LRMDA: variants seen among roughly 807,000 people sequenced by gnomAD.
LRMDA encodes leucine rich melanocyte differentiation associated, also known as leucine-rich melanocyte differentiation-associated protein.
A neutral mutation model predicts 29.8 loss-of-function variants in LRMDA; 18 were observed. The observed-to-expected ratio is 0.60, with a 90% CI of 0.42 to 0.90. LRMDA has a LOEUF of 0.90. LRMDA is among the 40% of genes least tolerant of loss of function. LRMDA has a pLI of 0.00. For missense variants in LRMDA, 273 were observed against 273.9 expected (o/e 1.00, Z 0.02); for synonymous variants, 125 against 109.4 (o/e 1.14, Z -0.89).
chr10:75,898,179 C>T (rs1214413396), intron 2 of LRMDA, among the ~76,000 whole-genome samples: 2 of 152,188 alleles, frequency 1.3e-5, no homozygotes, highest in South Asian at 2.1e-4. Context: ...CATGATAAAC[C>T]AGTAAAGACT....
At chr10:76,393,323 G>T (rs1841745695) in intron 6 of LRMDA, among the ~76,000 whole-genome samples, 1 of 151,948 alleles carries the variant, frequency 6.6e-6, no homozygotes, top group African/African-American at 2.4e-5. Flanking sequence ...ACATCCTTAT[G>T]AATACTTACC....
At chr10:76,267,542 T>C (rs1044565804) in intron 5 of LRMDA, among the ~76,000 whole-genome samples, 3 of 152,216 alleles carry the variant, frequency 2.0e-5, no homozygotes, top group African/African-American at 4.8e-5. Context: ...AATTTGCCTG[T>C]CTGCTTCATG....
At chr10:75,740,541 C>T (rs1842816542) in intron 2 of LRMDA, among the ~76,000 whole-genome samples, 1 of 152,166 alleles carries the variant, frequency 6.6e-6, no homozygotes, top group South Asian at 2.1e-4. Context: ...CATCTCCAGG[C>T]AACAGCAGCC....
intron 6 of LRMDA, among the ~76,000 whole-genome samples, chr10:76,515,550 G>T (rs530413644): frequency 2.1e-4 from 32 of 151,854 alleles, no homozygotes; most frequent in Middle Eastern, 3.4e-3. Flanking sequence ...CTGTCACCCG[G>T]GCTGGAGTAC....
intron 5 of LRMDA, among the ~76,000 whole-genome samples, chr10:76,179,180 T>C (rs922763085): frequency 2.0e-5 from 3 of 152,086 alleles, no homozygotes; most frequent in Non-Finnish European, 4.4e-5. Context: ...TGATGACTGA[T>C]TAAAAAAAAG....
intron 2 of LRMDA, among the ~76,000 whole-genome samples, chr10:75,541,432 T>TTC: frequency 6.7e-6 from 1 of 148,648 alleles, no homozygotes. Flanking sequence ...AAGCAGAGAC[T>TTC]ATTTTTCCCA....
At chr10:75,465,144 G>C (rs889981978) in intron 2 of LRMDA, among the ~76,000 whole-genome samples, 32 of 152,284 alleles carry the variant, frequency 2.1e-4, no homozygotes, top group African/African-American at 6.5e-4. Flanking sequence ...AAGAGGATGA[G>C]GCAAGCCAGA....
At chr10:76,295,322 C>T (rs1414314040) in intron 5 of LRMDA, among the ~76,000 whole-genome samples, 9 of 152,200 alleles carry the variant, frequency 5.9e-5, no homozygotes, top group South Asian at 2.1e-4. Flanking sequence ...GAGATGTCTA[C>T]GTCTGTGTGG....
chr10:75,896,146 A>G (rs1332946089), intron 2 of LRMDA, among the ~76,000 whole-genome samples: 2 of 152,220 alleles, frequency 1.3e-5, no homozygotes, highest in Admixed American at 6.5e-5. Flanking sequence ...ACAGTCATTC[A>G]TGGGTGTTAA....
rs1016731326 is a variant in LRMDA at position 76,421,341 on chromosome 10, C to T, written c.601+96856C>T. ...TGGTATTTGTAAACATACACTTTCT[C>T]TTATGGCTAGTATTTGCTTTGTGTA... is the stretch of plus-strand genomic sequence containing the variant. On this transcript the variant is annotated intron_variant, in intron 6 of 6. Transcript: ENST00000611255. Among the ~76,000 whole-genome samples the T allele has an allele frequency of 8.5e-5, 13 of 152,126 alleles. 1 individual carries two copies. Among genetic ancestry groups the T allele is most frequent in the Admixed American group, 2.0e-4 (3 of 15,272 alleles).
chr10:76,422,064 T>A (rs1290963057), intron 6 of LRMDA, among the ~76,000 whole-genome samples: 2 of 152,088 alleles, frequency 1.3e-5, no homozygotes, highest in Admixed American at 6.6e-5. Context: ...CCACCTGTGA[T>A]GTAGTTTTTC....
chr10:76,137,156 C>G (rs891948949), intron 5 of LRMDA, among the ~76,000 whole-genome samples: 1 of 152,190 alleles, frequency 6.6e-6, no homozygotes, highest in African/African-American at 2.4e-5. Flanking sequence ...AATTCCCAAG[C>G]CTTCTGCCAA....
At chr10:75,591,220 A>G (rs921675156) in intron 2 of LRMDA, among the ~76,000 whole-genome samples, 4 of 152,180 alleles carry the variant, frequency 2.6e-5, no homozygotes, top group African/African-American at 9.7e-5. Flanking sequence ...AAAAAACAAA[A>G]TGAAGACTGC....
intron 5 of LRMDA, among the ~76,000 whole-genome samples, chr10:76,220,697 G>A (rs1419278969): frequency 3.9e-5 from 6 of 152,092 alleles, no homozygotes; most frequent in Non-Finnish European, 8.8e-5. Flanking sequence ...GAGGTACAAG[G>A]AGGAACTGGT....
intron 2 of LRMDA, among the ~76,000 whole-genome samples, chr10:75,957,108 A>T (rs565902135): frequency 6.6e-6 from 1 of 152,340 alleles, no homozygotes; most frequent in South Asian, 2.1e-4. Context: ...TAAATGAGGG[A>T]AACAATCCAT....
intron 2 of LRMDA, among the ~76,000 whole-genome samples, chr10:75,878,176 G>T (rs553239324): frequency 5.3e-5 from 8 of 152,072 alleles, no homozygotes; most frequent in Non-Finnish European, 1.2e-4. Context: ...TAGACCCTCT[G>T]GCTTATCCCA....
At chr10:75,782,750 C>A (rs921831014) in intron 2 of LRMDA, 2 of 1,371,206 alleles carry the variant, frequency 1.5e-6, no homozygotes, top group South Asian at 3.3e-5. Context: ...AGCAGATGCC[C>A]TTTGCTGACT....
intron 2 of LRMDA, among the ~76,000 whole-genome samples, chr10:75,695,913 C>G (rs1842228339): frequency 6.6e-6 from 1 of 152,006 alleles, no homozygotes; most frequent in African/African-American, 2.4e-5. Context: ...GCAGGAGAAC[C>G]CTTGAGAAGT....
At position 75,922,015 on chromosome 10, in the gene LRMDA, C is replaced by T. The variant is rs149089476; in HGVS notation, c.132-113993C>T. ...GCCTCCTTTTACTTTTTATCTCTTT[C>T]GTTTTCTTCCACTATAGTGAGTTAG... On this transcript the variant is annotated intron_variant, in intron 2 of 6. Transcript: ENST00000611255. 1.7e-3 allele frequency among the ~76,000 whole-genome samples: 259 copies of T among 152,252 alleles called. 1 individual carries two copies. Among genetic ancestry groups the T allele is most frequent in the Admixed American group, 5.4e-3 (82 of 15,296 alleles).
Sources: allele counts gnomAD v4.1 joint callset (sites outside exome capture counted in the v4.1 genomes callset), GRCh38; gene constraint gnomAD v4.1.1; transcripts MANE v1.5; gene names NCBI Gene and HGNC (gene_info 2026-07-23, HGNC 2026-07-21).